PARP4: variants seen among roughly 807,000 people sequenced by gnomAD.
PARP4 encodes protein mono-ADP-ribosyltransferase PARP4.
Under a neutral mutation model 187.7 loss-of-function variants are expected in PARP4, and 120 were observed. That is an observed-to-expected ratio of 0.64 (90% CI 0.55 to 0.74). The LOEUF (loss-of-function observed/expected upper bound fraction) is 0.74, where lower values mean the gene tolerates loss of function less well. Among genes scored for constraint, PARP4 ranks in the 30% least tolerant of loss-of-function variants. PARP4 has a pLI of 0.00. For missense variants in PARP4, 1,836 were observed against 2,070.5 expected (o/e 0.89, Z 2.20); for synonymous variants, 654 against 740.9 (o/e 0.88, Z 1.90).
chr13:24,431,978 C>T (rs1870362006), intron 31 of PARP4, among the ~76,000 whole-genome samples: 1 of 152,188 alleles, frequency 6.6e-6, no homozygotes, highest in Non-Finnish European at 1.5e-5. Context: ...CCACCCGCCT[C>T]GGCCTCCCAA....
intron 32 of PARP4, among the ~76,000 whole-genome samples, chr13:24,428,448 A>G (rs1430630393): frequency 6.6e-6 from 1 of 152,086 alleles, no homozygotes; most frequent in African/African-American, 2.4e-5. Flanking sequence ...GTCTTTTCCA[A>G]TTCTGACCTC....
chr13:24,457,793 A>AAAAAAAAAAAAAAAAAAAAAAAAG (rs1566000254), intron 20 of PARP4, among the ~76,000 whole-genome samples: 2 of 148,602 alleles, frequency 1.3e-5, no homozygotes, highest in African/African-American at 5.0e-5. Context: ...AAAAAAAAAA[A>AAAAAAAAAAAAAAAAAAAAAAAAG]AAAGAAAAAA....
chr13:24,481,208 T>C (rs1429671072), intron 12 of PARP4, among the ~76,000 whole-genome samples: 1 of 152,260 alleles, frequency 6.6e-6, no homozygotes, highest in East Asian at 1.9e-4. Context: ...TTAAGCCCAA[T>C]GTATAGATCT....
At chr13:24,439,243 C>A (rs1309114838) in intron 30 of PARP4, among the ~76,000 whole-genome samples, 1 of 151,770 alleles carries the variant, frequency 6.6e-6, no homozygotes, top group Non-Finnish European at 1.5e-5. Context: ...AGGAGGATCT[C>A]TAGAGCCCAG....
chr13:24,509,099 T>A (rs923086246), intron 1 of PARP4, among the ~76,000 whole-genome samples: 1 of 152,092 alleles, frequency 6.6e-6, no homozygotes, highest in African/African-American at 2.4e-5. Context: ...GTTTGAACAA[T>A]TTTTTTGTGT....
At chr13:24,458,593 C>G (rs1872013192) in intron 20 of PARP4, among the ~76,000 whole-genome samples, 1 of 151,406 alleles carries the variant, frequency 6.6e-6, no homozygotes, top group South Asian at 2.1e-4. Context: ...TAAAACAAAA[C>G]AAACAAAAAA....
At chr13:24,506,065 G>A (rs1041921924) in intron 1 of PARP4, among the ~76,000 whole-genome samples, 1 of 152,160 alleles carries the variant, frequency 6.6e-6, no homozygotes, top group African/African-American at 2.4e-5. Context: ...TGGGTTCTTG[G>A]TCTCACTGAC....
intron 15 of PARP4, among the ~76,000 whole-genome samples, chr13:24,473,245 A>G (rs937000396): frequency 6.6e-6 from 1 of 152,134 alleles, no homozygotes; most frequent in Non-Finnish European, 1.5e-5. Flanking sequence ...TATTTATGAT[A>G]GCAAAATGTG....
chr13:24,434,872 C>T lies in PARP4; in HGVS notation c.4269G>A (p.Arg1423=). 1 of 1,614,074 alleles carries T rather than the reference C, an allele frequency of 6.2e-7. No individual in the cohort carries two copies. The highest frequency in any genetic ancestry group is 1.3e-5 in the African/African-American group (1 of 75,014). The change falls in exon 31 of 34, where the codon AGG becomes AGA. Residue 1423 remains arginine (R), a synonymous_variant. Coordinates refer to ENST00000381989, the MANE Select transcript of PARP4 (RefSeq NM_006437.4). The part of the protein sequence containing the change: ...PLQHPGGFTT[R]PSAGTFPELD... The stretch of plus-strand genomic sequence containing the variant: ...GCTCAGGGAAGGTGCCAGCAGAAGG[C>T]CTGGTAGTAAAGCCTCCAGGATGTT...
At chr13:24,492,870 C>T (rs1398044774) in intron 8 of PARP4, among the ~76,000 whole-genome samples, 1 of 152,192 alleles carries the variant, frequency 6.6e-6, no homozygotes, top group African/African-American at 2.4e-5. Context: ...CATACCTATA[C>T]ACAGAGAGAG....
intron 30 of PARP4, among the ~76,000 whole-genome samples, chr13:24,439,399 T>C (rs1161968748): frequency 1.3e-5 from 2 of 151,680 alleles, no homozygotes; most frequent in Non-Finnish European, 2.9e-5. Context: ...TAGACACAAG[T>C]AGACAGACAC....
At chr13:24,487,256 C>CAA (rs35094936) in intron 10 of PARP4, among the ~76,000 whole-genome samples, 10 of 110,258 alleles carry the variant, frequency 9.1e-5, no homozygotes, top group South Asian at 5.3e-4. Flanking sequence ...AAGGCTCCGT[C>CAA]AAAAAAAAAA....
At chr13:24,481,608 G>A (rs1350726653) in intron 12 of PARP4, among the ~76,000 whole-genome samples, 9 of 152,146 alleles carry the variant, frequency 5.9e-5, no homozygotes, top group African/African-American at 1.7e-4. Context: ...CAGAAGAATC[G>A]CTTGAACCCA....
chr13:24,451,573 G>A (rs1232693515), intron 24 of PARP4, among the ~76,000 whole-genome samples: 1 of 152,112 alleles, frequency 6.6e-6, no homozygotes, highest in Non-Finnish European at 1.5e-5. Flanking sequence ...AAGGCTCAGG[G>A]GCAAGGACAG....
intron 10 of PARP4, among the ~76,000 whole-genome samples, chr13:24,489,025 C>T (rs774048805): frequency 6.6e-5 from 10 of 152,272 alleles, no homozygotes; most frequent in South Asian, 4.1e-4. Flanking sequence ...ATATTTATCA[C>T]GTTTTGTTTA....
intron 1 of PARP4, among the ~76,000 whole-genome samples, chr13:24,506,133 G>A (rs1464532552): frequency 1.3e-5 from 2 of 152,134 alleles, no homozygotes; most frequent in Non-Finnish European, 1.5e-5. Context: ...TAAAGGCGGC[G>A]CGTCCGAAGT....
intron 8 of PARP4, 93 bp from the exon 9 acceptor site, chr13:24,492,687 T>G: frequency 1.0e-6 from 1 of 1,002,514 alleles, no homozygotes; most frequent in Non-Finnish European, 1.5e-6. Flanking sequence ...GTTAGACATG[T>G]CAAGACTATC....
At chr13:24,504,885 G>A (rs1869525592) in intron 1 of PARP4, among the ~76,000 whole-genome samples, 1 of 151,052 alleles carries the variant, frequency 6.6e-6, no homozygotes, top group African/African-American at 2.4e-5. Flanking sequence ...GTAGAGTCGG[G>A]GGTTTTACCA....
chr13:24,483,040 A>T (rs575451308), intron 12 of PARP4, among the ~76,000 whole-genome samples: 1 of 149,726 alleles, frequency 6.7e-6, no homozygotes, highest in Non-Finnish European at 1.5e-5. Flanking sequence ...TTTTTTTAAG[A>T]GATTGGGTCT....
Sources: gnomAD v4.1 joint callset for allele counts (sites outside exome capture counted in the v4.1 genomes callset) on GRCh38, gnomAD v4.1.1 for gene constraint, MANE v1.5 for transcripts, NCBI Gene and HGNC (gene_info 2026-07-23, HGNC 2026-07-21) for gene names.